The following FAM135B variants were observed in gnomAD, a reference collection of about 807,000 sequenced individuals.
FAM135B encodes family with sequence similarity 135 member B.
A neutral mutation model predicts 127.7 loss-of-function variants in FAM135B; 43 were observed. The ratio of observed to expected loss-of-function variants is 0.34; its 90% confidence interval spans 0.26 to 0.43. The LOEUF (loss-of-function observed/expected upper bound fraction) is 0.43, where lower values mean the gene tolerates loss of function less well. Among genes scored for constraint, FAM135B ranks in the 20% least tolerant of loss-of-function variants. The pLI is 1.00. For missense variants in FAM135B, 1,558 were observed against 1,725.6 expected (o/e 0.90, Z 1.72); for synonymous variants, 670 against 665.1 (o/e 1.01, Z -0.11).
chr8:138,170,655 A>G (rs2130921033), intron 11 of FAM135B, among the ~76,000 whole-genome samples: 1 of 152,248 alleles, frequency 6.6e-6, no homozygotes, highest in East Asian at 1.9e-4. Context: ...ATAGCTGGTA[A>G]AGCACTATAC....
At chr8:138,484,582 T>G (rs1006115857) in intron 1 of FAM135B, among the ~76,000 whole-genome samples, 1 of 152,190 alleles carries the variant, frequency 6.6e-6, no homozygotes, top group African/African-American at 2.4e-5. Flanking sequence ...GGGAAGTACT[T>G]TCTACAGTCT....
chr8:138,130,535 A>C lies in FAM135B; in HGVS notation c.*2058T>G, dbSNP rs543090310. 6.6e-5 allele frequency: 10 copies of C among 152,284 alleles called. 1 individual carries two copies. The highest frequency in any genetic ancestry group is 2.4e-4 in the African/African-American group (10 of 41,556). 9.4% of individuals were successfully genotyped at this position (152,284 alleles called of 1,614,324 possible). ...TCATCAGATTCATCCCGGCTCCATA[A>C]CCGCGGGCTACACAGTCTTTCAAAG... On this transcript the variant is annotated 3_prime_UTR_variant, in exon 20 of 20. Coordinates refer to ENST00000395297, the MANE Select transcript of FAM135B (RefSeq NM_015912.4).
intron 6 of FAM135B, among the ~76,000 whole-genome samples, chr8:138,249,051 C>T (rs1039000150): frequency 2.0e-5 from 3 of 152,092 alleles, no homozygotes; most frequent in Admixed American, 6.5e-5. Flanking sequence ...GCCTTTCCTA[C>T]CCCAGGCTGT....
chr8:138,222,740 A>G (rs9987234), intron 7 of FAM135B, among the ~76,000 whole-genome samples: 63,250 of 146,962 alleles, frequency 0.43, 14,257 homozygotes, highest in African/African-American at 0.53. Context: ...TCAAAAAAAC[A>G]AAATGAATTT....
chr8:138,353,817 A>C (rs1209991611), intron 2 of FAM135B, among the ~76,000 whole-genome samples: 1 of 152,128 alleles, frequency 6.6e-6, no homozygotes, highest in East Asian at 1.9e-4. Flanking sequence ...GAGTGATTTC[A>C]GCCAAGCTCA....
chr8:138,479,740 T>C (rs1180722709), intron 1 of FAM135B, among the ~76,000 whole-genome samples: 1 of 152,236 alleles, frequency 6.6e-6, no homozygotes, highest in Non-Finnish European at 1.5e-5. Context: ...TATCTTTGTA[T>C]CCTCAGCACT....
At chr8:138,305,296 C>G (rs1324966364) in intron 3 of FAM135B, among the ~76,000 whole-genome samples, 2 of 152,142 alleles carry the variant, frequency 1.3e-5, no homozygotes, top group Admixed American at 1.3e-4. Context: ...CTAGTAGATG[C>G]CTGTTTTGTG....
chr8:138,144,630 G>A (rs1266715799), intron 15 of FAM135B, among the ~76,000 whole-genome samples: 2 of 152,280 alleles, frequency 1.3e-5, no homozygotes, highest in Non-Finnish European at 2.9e-5. Context: ...CAGCCAAGGC[G>A]TTTAAATCTA....
intron 2 of FAM135B, among the ~76,000 whole-genome samples, chr8:138,334,316 C>T (rs1828398511): frequency 1.3e-5 from 2 of 152,196 alleles, no homozygotes; most frequent in Admixed American, 6.5e-5. Context: ...CAGACTTTGG[C>T]CTACAGCAAG....
At chr8:138,474,941 G>C (rs1814323941) in intron 1 of FAM135B, among the ~76,000 whole-genome samples, 1 of 152,072 alleles carries the variant, frequency 6.6e-6, no homozygotes, top group African/African-American at 2.4e-5. Context: ...TAACCACCCG[G>C]TTCATTGTCA....
intron 1 of FAM135B, among the ~76,000 whole-genome samples, chr8:138,376,019 A>C (rs1430469152): frequency 6.6e-6 from 1 of 152,048 alleles, no homozygotes; most frequent in Non-Finnish European, 1.5e-5. Context: ...TTTGAAATGG[A>C]GACTCACTCT....
intron 9 of FAM135B, among the ~76,000 whole-genome samples, chr8:138,182,231 A>G (rs1400875661): frequency 6.6e-6 from 1 of 152,268 alleles, no homozygotes; most frequent in East Asian, 1.9e-4. Flanking sequence ...AAATGGCTTT[A>G]GATAAGGTTA....
chr8:138,191,787 T>C (rs1816152270), intron 9 of FAM135B, among the ~76,000 whole-genome samples: 1 of 152,122 alleles, frequency 6.6e-6, no homozygotes, highest in Non-Finnish European at 1.5e-5. Flanking sequence ...AAGGCATGAG[T>C]ATCACCAAAC....
intron 3 of FAM135B, among the ~76,000 whole-genome samples, chr8:138,306,111 C>T (rs1251342080): frequency 6.6e-6 from 1 of 152,102 alleles, no homozygotes; most frequent in Non-Finnish European, 1.5e-5. Context: ...GTTGGCAAGC[C>T]ACATCCTATT....
chr8:138,466,310 TAA>T (rs1379597795), intron 1 of FAM135B, among the ~76,000 whole-genome samples: 2 of 152,032 alleles, frequency 1.3e-5, no homozygotes, highest in Non-Finnish European at 2.9e-5. Context: ...GTGACCCAGT[TAA>T]AGAGAGTGGG....
intron 4 of FAM135B, among the ~76,000 whole-genome samples, chr8:138,263,754 C>T (rs1309876698): frequency 6.6e-6 from 1 of 152,102 alleles, no homozygotes; most frequent in Non-Finnish European, 1.5e-5. Flanking sequence ...GAAAGAATAG[C>T]TTGCAAAGAG....
At chr8:138,158,385 A>G (rs993036816) in intron 12 of FAM135B, among the ~76,000 whole-genome samples, 10 of 152,192 alleles carry the variant, frequency 6.6e-5, no homozygotes, top group African/African-American at 2.4e-4. Context: ...CAGGACATAG[A>G]CATGTGCAAG....
chr8:138,252,213 G>A (rs1821750011), intron 5 of FAM135B, among the ~76,000 whole-genome samples: 2 of 152,168 alleles, frequency 1.3e-5, no homozygotes, highest in Non-Finnish European at 2.9e-5. Flanking sequence ...AGCTTATTAT[G>A]AACTGAACAT....
chr8:138,433,712 T>C (rs1835319909), intron 1 of FAM135B, among the ~76,000 whole-genome samples: 1 of 152,170 alleles, frequency 6.6e-6, no homozygotes, highest in South Asian at 2.1e-4. Context: ...TGTTCAAGTT[T>C]ATGACTTGTT....
Sources: gnomAD v4.1 joint callset for allele counts (sites outside exome capture counted in the v4.1 genomes callset) on GRCh38, gnomAD v4.1.1 for gene constraint, MANE v1.5 for transcripts, NCBI Gene and HGNC (gene_info 2026-07-23, HGNC 2026-07-21) for gene names.